The following EVC variants were observed in gnomAD, a reference collection of about 807,000 sequenced individuals.
EVC encodes evC complex member EVC.
A neutral mutation model predicts 118.9 loss-of-function variants in EVC; 116 were observed. The ratio of observed to expected loss-of-function variants is 0.98; its 90% CI spans 0.84 to 1.14. The LOEUF is 1.14. Ranked by LOEUF, EVC falls within the 50% of genes most tolerant of loss-of-function variation. The pLI is 0.00. For missense variants in EVC, 1,401 were observed against 1,246.4 expected, an observed-to-expected ratio of 1.12 and a Z score of -1.87; for synonymous variants, 619 against 534.7, an observed-to-expected ratio of 1.16 and a Z score of -2.18.
downstream of EVC, among the ~76,000 whole-genome samples, chr4:5,815,267 G>A (rs1169159680): frequency 6.6e-6 from 1 of 152,198 alleles, no homozygotes; most frequent in Non-Finnish European, 1.5e-5. Context: ...GCTTTACAGT[G>A]AATCAGCTGT....
Position 5,748,196 on chromosome 4 carries a change from G to T in EVC, c.988G>T (p.Asp330Tyr), listed in dbSNP as rs768854884. 3 of 1,614,054 alleles carry T rather than the reference G, an allele frequency of 1.9e-6. No homozygotes were observed. The highest frequency in any genetic ancestry group is 2.2e-5 in the East Asian group (1 of 44,896). The change falls in exon 8 of 21, where the codon GAC becomes TAC. Residue 330 changes from aspartate to tyrosine, a missense_variant. Coordinates refer to ENST00000264956, the MANE Select transcript of EVC (RefSeq NM_153717.3). The stretch of plus-strand genomic sequence containing the variant: ...GGCAAATATCCAGCACTTTCTTGTG[G>T]ACCAGTTTAAGTGTTCCAGCTCCAA... Reference protein sequence around the residue: ...QMANIQHFLVDQFKCSSSKAR... With the variant: ...QMANIQHFLVYQFKCSSSKAR...
intron 12 of EVC, among the ~76,000 whole-genome samples, chr4:5,791,344 T>G (rs1712751471): frequency 6.6e-6 from 1 of 152,094 alleles, no homozygotes; most frequent in African/African-American, 2.4e-5. Flanking sequence ...AATAGACAAT[T>G]TTCAAAACAG....
At chr4:5,817,983 A>G (rs1219574473), downstream of EVC, among the ~76,000 whole-genome samples, 1 of 152,168 alleles carries the variant, frequency 6.6e-6, no homozygotes, top group Non-Finnish European at 1.5e-5. Flanking sequence ...AGATAGACAA[A>G]CCAACTGATG....
intron 2 of EVC, among the ~76,000 whole-genome samples, chr4:5,724,788 A>C (rs1024708662): frequency 1.3e-5 from 2 of 151,782 alleles, no homozygotes; most frequent in African/African-American, 4.8e-5. Context: ...TCTTTGTAAC[A>C]TAGGTAAACG....
At chr4:5,809,483 G>A in intron 18 of EVC, 35 bp from the exon 19 acceptor site, 2 of 1,588,524 alleles carry the variant, frequency 1.3e-6, no homozygotes, top group Non-Finnish European at 8.6e-7. Context: ...TCAGAGGGAG[G>A]CCCAGCTGAA....
rs1714325926 is a variant in EVC, at chr4:5,798,181, G to A, written c.2098-405G>A. On this transcript the variant is annotated intron_variant, in intron 14 of 20. Coordinates refer to ENST00000264956, the MANE Select transcript of EVC (RefSeq NM_153717.3). This position sits in a 1 kb window ranked among gnomAD's most constrained non-coding sequence, Gnocchi z 4.1. ...CTGTGTGCCCTGCCTCAGCTTCTGTGATATCCTGAGACTCACATCTGGCTT... is the reference window on the plus strand; with the variant it reads ...CTGTGTGCCCTGCCTCAGCTTCTGTAATATCCTGAGACTCACATCTGGCTT... 6.6e-6 allele frequency among the ~76,000 whole-genome samples: 1 copy of A among 152,172 alleles called. No homozygotes were observed. The highest frequency in any genetic ancestry group is 2.1e-4 in the South Asian group (1 of 4,826).
intron 11 of EVC, chr4:5,758,337 C>G: frequency 1.8e-6 from 1 of 541,662 alleles, no homozygotes; most frequent in Non-Finnish European, 3.3e-6. Flanking sequence ...TTTGTCATGG[C>G]AGCCACAGGA....
At position 5,756,196 on chromosome 4, in the gene EVC, A is replaced by G. The variant is rs1408574883; in HGVS notation, c.1465-68A>G. Reference sequence around the variant, plus strand: ...CCTGAGATGCAGGGGATGGTTGGAGAACCTTCTGGAAAAAAAAAAAAAAAC... The same window carrying G: ...CCTGAGATGCAGGGGATGGTTGGAGGACCTTCTGGAAAAAAAAAAAAAAAC... On this transcript the variant is annotated intron_variant, in intron 10 of 20. Transcript: ENST00000264956. The surrounding 1 kb of genome is among the most constrained non-coding windows in gnomAD (Gnocchi z 4.2). 4.8e-6 allele frequency: 6 copies of G among 1,241,762 alleles called. No individual in the cohort carries two copies. Among genetic ancestry groups the G allele is most frequent in the Non-Finnish European group, 6.9e-6 (6 of 870,558 alleles). 76.9% of individuals were successfully genotyped at this position (1,241,762 alleles called of 1,614,324 possible).
intron 13 of EVC, among the ~76,000 whole-genome samples, chr4:5,794,805 A>G (rs912444468): frequency 3.9e-5 from 6 of 152,132 alleles, no homozygotes; most frequent in African/African-American, 1.4e-4. Flanking sequence ...TTACAAAGGT[A>G]TATTGCGTGA....
chr4:5,788,179 A>G (rs1466669258), intron 12 of EVC, among the ~76,000 whole-genome samples: 2 of 152,130 alleles, frequency 1.3e-5, no homozygotes, highest in Non-Finnish European at 2.9e-5. Flanking sequence ...AGTAACCCCC[A>G]AACTAGAAGC....
chr4:5,756,131 T>G lies in EVC; in HGVS notation c.1465-133T>G. ...CATGTGACAGCCCCATGCCTCAGTT[T>G]CCTTGTGTGTAATACAGGTGCCAAC... On this transcript the variant is annotated intron_variant, in intron 10 of 20. Transcript: ENST00000264956. This position sits in a 1 kb window ranked among gnomAD's most constrained non-coding sequence, Gnocchi z 4.2. 1.4e-6 allele frequency: 1 copy of G among 724,724 alleles called. No individual in the cohort carries two copies. The highest frequency in any genetic ancestry group is 2.7e-5 in the East Asian group (1 of 36,828). The allele number at this position is 724,724 out of a possible 1,614,324, so 44.9% of individuals were successfully genotyped here.
rs760319292 is a variant in EVC, at chr4:5,719,299, C to G, written c.226C>G (p.Pro76Ala). ...GAATTTGGAGTCTAATGCGCAGACCCCCTCGGAAACTGGCTCCCCATCAAG... is the reference window on the plus strand; with the variant it reads ...GAATTTGGAGTCTAATGCGCAGACCGCCTCGGAAACTGGCTCCCCATCAAG... ...LKNLESNAQTPSETGSPSRRR... is the reference protein window; with the variant it reads ...LKNLESNAQTASETGSPSRRR... The change falls in exon 2 of 21, where the codon CCC becomes GCC. Residue 76 changes from proline (P) to alanine (A), a missense_variant. By Grantham distance (27) the Pro-to-Ala change is conservative (BLOSUM62 -1). Transcript: ENST00000264956. This position sits in a 1 kb window ranked among gnomAD's most constrained non-coding sequence, Gnocchi z 4.7. The G allele has an allele frequency of 5.0e-6, 8 of 1,614,000 alleles. No individual in the cohort carries two copies. The African/African-American group carries it at 1.1e-4, about 22-fold the overall frequency.
chr4:5,765,847 C>G (rs1406470752), intron 11 of EVC, among the ~76,000 whole-genome samples: 1 of 150,452 alleles, frequency 6.6e-6, no homozygotes. Context: ...TGGGTCTTGA[C>G]TCTTCATCCA....
Position 5,728,614 on chromosome 4 carries a change from A to G in EVC, c.301-693A>G, listed in dbSNP as rs1726249117. On this transcript the variant is annotated intron_variant, in intron 2 of 20. Transcript: ENST00000264956. ...AGTGACTCAGCAGGGTGCTTCATGAATGTGGTCTTCGAGGGCAGCTACTCT... is the reference window on the plus strand; with the variant it reads ...AGTGACTCAGCAGGGTGCTTCATGAGTGTGGTCTTCGAGGGCAGCTACTCT... Among the ~76,000 whole-genome samples the G allele has an allele frequency of 3.3e-5, 5 of 152,176 alleles. No individual in the cohort carries two copies. The South Asian group carries it at 1.0e-3, about 32-fold the overall frequency.
chr4:5,801,579 C>T (rs953612497), intron 15 of EVC, among the ~76,000 whole-genome samples: 1 of 149,920 alleles, frequency 6.7e-6, no homozygotes, highest in Non-Finnish European at 1.5e-5. Flanking sequence ...ACTTGGGAGA[C>T]TGAGGCAGGA....
chr4:5,803,903 G>A (rs970432052), intron 16 of EVC, among the ~76,000 whole-genome samples: 5 of 151,216 alleles, frequency 3.3e-5, no homozygotes, highest in African/African-American at 1.2e-4. Context: ...ATACTGGGAT[G>A]ACAGGTCTAA....
Position 5,731,362 on chromosome 4 carries a change from G to C in EVC, c.385-63G>C. On this transcript the variant is annotated intron_variant, in intron 3 of 20. Transcript: ENST00000264956. This position sits in a 1 kb window ranked among gnomAD's most constrained non-coding sequence, Gnocchi z 5.6. ...TAGCGTGAATCACTGGTAGAATTATGAATACTAGATCAAATCCCAGAGGCA... is the reference window on the plus strand; with the variant it reads ...TAGCGTGAATCACTGGTAGAATTATCAATACTAGATCAAATCCCAGAGGCA... 1 of 1,325,028 alleles carries C rather than the reference G, an allele frequency of 7.5e-7. No individual in the cohort carries two copies. Among genetic ancestry groups the C allele is most frequent in the South Asian group, 1.2e-5 (1 of 84,930 alleles). 82.1% of individuals were successfully genotyped at this position (1,325,028 alleles called of 1,614,324 possible). A position where few individuals can be genotyped will look rare whatever the true frequency, so the allele number is the denominator to read the frequency against.
At chr4:5,790,180 C>CAAAAAAAAAAAAAAAAAA (rs35158259) in intron 12 of EVC, among the ~76,000 whole-genome samples, 6 of 112,216 alleles carry the variant, frequency 5.3e-5, no homozygotes, top group Admixed American at 9.6e-5. Flanking sequence ...GACTCCATCT[C>CAAAAAAAAAAAAAAAAAA]AAAAAAAAAA....
Position 5,737,535 on chromosome 4 carries a change from G to C in EVC, c.702+4100G>C, listed in dbSNP as rs550079751. Among the ~76,000 whole-genome samples the C allele has an allele frequency of 6.6e-6, 1 of 152,186 alleles. No individual in the cohort carries two copies. The highest frequency in any genetic ancestry group is 1.5e-5 in the Non-Finnish European group (1 of 68,028). ...CTTCAAAGAACAGGCTGACTCTCTC[G>C]CTAGGGGCTAATGCGGGAGATGACT... On this transcript the variant is annotated intron_variant, in intron 5 of 20. Coordinates refer to ENST00000264956, the MANE Select transcript of EVC (RefSeq NM_153717.3). The surrounding 1 kb of genome is among the most constrained non-coding windows in gnomAD (Gnocchi z 5.0).
Sources: gnomAD v4.1 joint callset for allele counts (sites outside exome capture counted in the v4.1 genomes callset) on GRCh38, gnomAD v4.1.1 for gene constraint, Gnocchi (gnomAD v3.1) non-coding constraint, MANE v1.5 for transcripts, NCBI Gene and HGNC (gene_info 2026-07-23, HGNC 2026-07-21) for gene names.